Variants in CLASP1 observed in about 807,000 individuals in gnomAD.
The protein encoded by CLASP1 is cytoplasmic linker associated protein 1.
Under a neutral mutation model 192.3 loss-of-function variants are expected in CLASP1, and 38 were observed. That is an observed-to-expected ratio of 0.20 (90% CI 0.15 to 0.26). CLASP1 has a LOEUF of 0.26. Among genes scored for constraint, CLASP1 ranks in the 10% least tolerant of loss-of-function variants. The pLI, the probability that CLASP1 is intolerant of heterozygous loss-of-function variation, is 1.00. For missense variants in CLASP1, 1,433 were observed against 1,932.5 expected (o/e 0.74, Z 4.85); for synonymous variants, 691 against 712.8 (o/e 0.97, Z 0.49).
At chr2:121,419,629 A>G (rs780058302) in intron 22 of CLASP1, among the ~76,000 whole-genome samples, 3 of 152,144 alleles carry the variant, frequency 2.0e-5, no homozygotes, top group Non-Finnish European at 4.4e-5. Context: ...TACAAGACAG[A>G]ATTGCATGAA....
At chr2:121,455,886 A>G (rs2086543502) in intron 14 of CLASP1, among the ~76,000 whole-genome samples, 1 of 152,076 alleles carries the variant, frequency 6.6e-6, no homozygotes, top group Non-Finnish European at 1.5e-5. Context: ...TTGGACTCAT[A>G]GAAGCAGAAA....
At chr2:121,366,510 C>T (rs1443161884) in intron 35 of CLASP1, among the ~76,000 whole-genome samples, 3 of 152,210 alleles carry the variant, frequency 2.0e-5, no homozygotes, top group African/African-American at 7.2e-5. Flanking sequence ...CTTTGTGCCC[C>T]GACTGGATCT....
intron 11 of CLASP1, 121 bp from the exon 12 acceptor site, chr2:121,460,246 T>A (rs761301401): frequency 2.7e-6 from 2 of 732,538 alleles, no homozygotes; most frequent in Non-Finnish European, 4.2e-6. Context: ...TAGAAAGCTT[T>A]CCCAAAAGAA....
At chr2:121,572,823 A>C (rs1282425450) in intron 2 of CLASP1, among the ~76,000 whole-genome samples, 1 of 152,212 alleles carries the variant, frequency 6.6e-6, no homozygotes, top group African/African-American at 2.4e-5. Context: ...AACCTAAACA[A>C]GAACAAAGGA....
rs543204275 is a variant in CLASP1, at chr2:121,384,033, T to C, written c.3375-1709A>G. ...ACACACACACACACACACACACACA[T>C]ATATATGTATATATACACACATATA... is the stretch of plus-strand genomic sequence containing the variant. On this transcript the variant is annotated intron_variant, in intron 32 of 39. Transcript: ENST00000263710. 7.9e-3 allele frequency among the ~76,000 whole-genome samples: 997 copies of C among 125,548 alleles called. 3 individuals are homozygous for C. The highest frequency in any genetic ancestry group is 0.012 in the Non-Finnish European group (684 of 55,972). The allele number at this position is 125,548 out of a possible 152,430, so 82.4% of individuals were successfully genotyped here. A position where few individuals can be genotyped will look rare whatever the true frequency, so the allele number is the denominator to read the frequency against.
intron 8 of CLASP1, among the ~76,000 whole-genome samples, chr2:121,497,621 T>G: frequency 6.6e-6 from 1 of 152,196 alleles, no homozygotes. Context: ...CTTTAAGAAT[T>G]TAATGGCTAA....
chr2:121,416,367 A>C (rs2078576600), intron 23 of CLASP1, among the ~76,000 whole-genome samples: 1 of 152,222 alleles, frequency 6.6e-6, no homozygotes, highest in African/African-American at 2.4e-5. Context: ...ATAAAAATGC[A>C]AACTTAAAAA....
At chr2:121,609,689 TC>T (rs1253641090) in intron 1 of CLASP1, among the ~76,000 whole-genome samples, 1 of 152,188 alleles carries the variant, frequency 6.6e-6, no homozygotes, top group Admixed American at 6.6e-5. Context: ...AAGCCTGTAA[TC>T]CCAAGACTTT....
chr2:121,383,349 T>C lies in CLASP1; in HGVS notation c.3375-1025A>G, dbSNP rs551730352. On this transcript the variant is annotated intron_variant, in intron 32 of 39. Coordinates refer to ENST00000263710, the Ensembl canonical transcript of CLASP1. ...ATAAGGCATTGAGATGCAAAGTCACTAGCATACAGAGGCCTAAAGACACAC... is the reference window on the plus strand; with the variant it reads ...ATAAGGCATTGAGATGCAAAGTCACCAGCATACAGAGGCCTAAAGACACAC... Among the ~76,000 whole-genome samples, 3 of 152,270 alleles carry C rather than the reference T, an allele frequency of 2.0e-5. No homozygotes were observed. The South Asian group carries it at 6.2e-4, about 32-fold the overall frequency.
chr2:121,474,331 TA>T (rs1365827147), intron 8 of CLASP1, among the ~76,000 whole-genome samples: 3 of 152,284 alleles, frequency 2.0e-5, no homozygotes, highest in Admixed American at 6.5e-5. Flanking sequence ...TTTTCAAAGT[TA>T]ATCATAACTT....
At chr2:121,529,698 A>C (rs1277776318) in intron 3 of CLASP1, among the ~76,000 whole-genome samples, 1 of 152,206 alleles carries the variant, frequency 6.6e-6, no homozygotes, top group Non-Finnish European at 1.5e-5. Context: ...AATAAGAGTG[A>C]ACATTTACTA....
At chr2:121,368,387 G>T (rs774092158) in intron 34 of CLASP1, among the ~76,000 whole-genome samples, 1 of 152,078 alleles carries the variant, frequency 6.6e-6, no homozygotes. Context: ...TCTTCTTTTA[G>T]ATATTTCTGA....
chr2:121,374,892 T>G (rs1202047693), intron 34 of CLASP1, among the ~76,000 whole-genome samples: 2 of 152,222 alleles, frequency 1.3e-5, no homozygotes, highest in African/African-American at 4.8e-5. Context: ...GGACTTGCTT[T>G]GTCTCAGATT....
At chr2:121,401,029 C>T (rs1317148858) in intron 28 of CLASP1, among the ~76,000 whole-genome samples, 1 of 152,168 alleles carries the variant, frequency 6.6e-6, no homozygotes, top group African/African-American at 2.4e-5. Context: ...TCATAACAGC[C>T]AGAAGGGTCA....
intron 20 of CLASP1, among the ~76,000 whole-genome samples, chr2:121,428,152 A>G (rs974819130): frequency 6.6e-6 from 1 of 152,196 alleles, no homozygotes; most frequent in Non-Finnish European, 1.5e-5. Context: ...CTGAAAAATT[A>G]AAGCTCTATT....
intron 8 of CLASP1, among the ~76,000 whole-genome samples, chr2:121,491,744 G>C (rs772058970): frequency 6.6e-6 from 1 of 152,152 alleles, no homozygotes; most frequent in Non-Finnish European, 1.5e-5. Flanking sequence ...CAACAAGAAG[G>C]AATCATACAA....
At chr2:121,370,789 A>G (rs1415326668) in intron 34 of CLASP1, among the ~76,000 whole-genome samples, 1 of 152,190 alleles carries the variant, frequency 6.6e-6, no homozygotes, top group Non-Finnish European at 1.5e-5. Flanking sequence ...TCCCTAGGTG[A>G]CACTGAGGCT....
exon 28 of CLASP1, chr2:121,401,542 T>A: frequency 1.2e-6 from 2 of 1,613,312 alleles, no homozygotes; most frequent in Non-Finnish European, 8.5e-7. Context: ...AACTTTTGCT[T>A]GCACAGATCC....
chr2:121,341,340 C>G (rs577083130), intron 39 of CLASP1, among the ~76,000 whole-genome samples: 1 of 152,228 alleles, frequency 6.6e-6, no homozygotes, highest in East Asian at 1.9e-4. Flanking sequence ...CCCCGCTCCA[C>G]AGGGGGGAAG....
Sources: allele counts gnomAD v4.1 joint callset (sites outside exome capture counted in the v4.1 genomes callset), GRCh38; gene constraint gnomAD v4.1.1; transcripts MANE v1.5; gene names NCBI Gene and HGNC (gene_info 2026-07-23, HGNC 2026-07-21).